RECK: variants seen among roughly 807,000 people sequenced by gnomAD.
RECK encodes the protein reversion-inducing cysteine-rich protein with Kazal motifs.
Under a neutral mutation model 115.1 loss-of-function variants are expected in RECK, and 69 were observed. The ratio of observed to expected loss-of-function variants is 0.60; its 90% CI spans 0.49 to 0.73. The LOEUF is 0.73. Ranked by LOEUF, RECK falls within the 30% of genes least tolerant of loss-of-function variation. RECK has a pLI of 0.00. For synonymous variants in RECK, 414 were observed against 419.7 expected (o/e 0.99, Z 0.17); for missense variants, 1,047 against 1,203.7 (o/e 0.87, Z 1.93).
rs750338819 is a variant in RECK, at chr9:36,118,955, A to G, written c.2452A>G (p.Ile818Val). Residue 818 changes from isoleucine to valine, a missense_variant, in exon 18 of 21, where the codon ATC becomes GTC. By Grantham distance (29) the Ile-to-Val change is conservative. Transcript: ENST00000377966. ...PSLLAAGCKP[I>V]IPPGACCPLC... ...GCTCTTGGCAGCTGGATGCAAACCC[A>G]TCATCCCACCGGGTAGGCTGGCAGT... is the stretch of plus-strand genomic sequence containing the variant. 4.3e-6 allele frequency: 7 copies of G among 1,612,430 alleles called. No homozygotes were observed. In the East Asian group the frequency reaches 1.1e-4, roughly 26 times the overall value.
chr9:36,089,414 A>C (rs1454501668), intron 9 of RECK, among the ~76,000 whole-genome samples: 1 of 152,202 alleles, frequency 6.6e-6, no homozygotes. Flanking sequence ...TAATTGGAGA[A>C]ATTTATGTAA....
chr9:36,106,103 G>A (rs1282552133), intron 13 of RECK, among the ~76,000 whole-genome samples: 4 of 151,312 alleles, frequency 2.6e-5, no homozygotes, highest in Non-Finnish European at 5.9e-5. Flanking sequence ...CCAGCTACTC[G>A]GGAGGCTGAG....
intron 1 of RECK, among the ~76,000 whole-genome samples, chr9:36,044,699 T>C (rs1030292631): frequency 2.6e-5 from 4 of 151,866 alleles, no homozygotes; most frequent in Non-Finnish European, 4.4e-5. Context: ...TGGCCTAGAG[T>C]TGTTGGAGAA....
intron 4 of RECK, among the ~76,000 whole-genome samples, chr9:36,061,956 G>A (rs1821786757): frequency 6.6e-6 from 1 of 151,874 alleles, no homozygotes; most frequent in African/African-American, 2.4e-5. Context: ...TTCATTTGGG[G>A]AACTATGTTA....
intron 1 of RECK, among the ~76,000 whole-genome samples, chr9:36,042,158 A>T (rs939377970): frequency 6.6e-6 from 1 of 151,862 alleles, no homozygotes; most frequent in South Asian, 2.1e-4. Context: ...TGGTGCACCC[A>T]TCACTACAGT....
At position 36,037,099 on chromosome 9, in the gene RECK, G is replaced by C. The variant is rs1426753963; in HGVS notation, c.100+1G>C. ...GGGGGCCTGGCTCCGGGCAGTGCGG[G>C]TGAGTAACCTCCAGAGCAACGGTTC... On this transcript the variant is annotated splice_donor_variant, in intron 1 of 20. Coordinates refer to ENST00000377966, the MANE Select transcript of RECK (RefSeq NM_021111.3). LOFTEE classifies it high-confidence loss of function. 58 of 1,321,032 alleles carry C rather than the reference G, an allele frequency of 4.4e-5. No homozygotes were observed. The highest frequency in any genetic ancestry group is 5.4e-5 in the Non-Finnish European group (56 of 1,030,392). The allele number at this position is 1,321,032 out of a possible 1,614,324, so 81.8% of individuals were successfully genotyped here. A position where few individuals can be genotyped will look rare whatever the true frequency, so the allele number is the denominator to read the frequency against.
intron 11 of RECK, 148 bp downstream of exon 11, chr9:36,100,691 CT>C (rs1021362998): frequency 3.2e-6 from 2 of 623,518 alleles, no homozygotes; most frequent in Non-Finnish European, 5.6e-6. Flanking sequence ...TTTTCCTCCT[CT>C]AGTTGAAATA....
At chr9:36,113,326 G>A (rs1195377773) in intron 16 of RECK, among the ~76,000 whole-genome samples, 2 of 152,218 alleles carry the variant, frequency 1.3e-5, no homozygotes, top group African/African-American at 4.8e-5. Flanking sequence ...GTAATATGGA[G>A]GGAGGGGGAG....
chr9:36,060,267 C>T, intron 4 of RECK, 112 bp downstream of exon 4: 1 of 1,079,640 alleles, frequency 9.3e-7, no homozygotes, highest in Non-Finnish European at 1.4e-6. Context: ...TTTCTATCCT[C>T]TCCTTCCCTT....
intron 16 of RECK, among the ~76,000 whole-genome samples, chr9:36,113,418 G>A (rs1419382436): frequency 6.6e-6 from 1 of 152,180 alleles, no homozygotes; most frequent in Admixed American, 6.5e-5. Flanking sequence ...ATCCAAGAAA[G>A]TTTCTATGGA....
In RECK at chr9:36,059,905, G is replaced by A. The variant is rs557488178; in HGVS notation, c.235-214G>A. 3.3e-5 allele frequency among the ~76,000 whole-genome samples: 5 copies of A among 152,320 alleles called. No homozygotes were observed. The South Asian group carries it at 6.2e-4, about 19-fold the overall frequency. On this transcript the variant is annotated intron_variant, in intron 3 of 20. Coordinates refer to ENST00000377966, the MANE Select transcript of RECK (RefSeq NM_021111.3). ...AGTATCCTGAGTAACTAGACTCATC[G>A]TTAATGCTCTCAGATGGGAAAAGAA...
In RECK at chr9:36,087,768, A is replaced by G. The variant is rs772036213; in HGVS notation, c.712A>G (p.Thr238Ala). 1 of 1,614,036 alleles carries G rather than the reference A, an allele frequency of 6.2e-7. No homozygotes were observed. Among genetic ancestry groups the G allele is most frequent in the Non-Finnish European group, 8.5e-7 (1 of 1,179,926 alleles). Residue 238 changes from threonine to alanine, a missense_variant, in exon 9 of 21, where the codon ACG (threonine) becomes GCG (alanine). By Grantham distance (58) the Thr-to-Ala change is moderately conservative. Transcript: ENST00000377966. Reference protein sequence around the residue: ...ACKRILMSKKTEMEIVDGLIE... With the variant: ...ACKRILMSKKAEMEIVDGLIE... ...CAAGAGAATCCTGATGTCCAAGAAAACGGAAATGGAGATTGTTGATGGTCT... is the reference window on the plus strand; with the variant it reads ...CAAGAGAATCCTGATGTCCAAGAAAGCGGAAATGGAGATTGTTGATGGTCT...
chr9:36,100,380 A>G lies in RECK; in HGVS notation c.1135A>G (p.Met379Val), dbSNP rs752871173. The G allele has an allele frequency of 1.2e-6, 2 of 1,614,230 alleles. No homozygotes were observed. The highest frequency in any genetic ancestry group is 1.7e-5 in the Admixed American group (1 of 60,034). The part of the protein sequence containing the change: ...SCNAQSDQGA[M>V]NDMKLWEKGS... ...TAATGCACAGTCAGATCAAGGAGCCATGAATGACATGAAGTTGTGGGAGAA... is the reference window on the plus strand; with the variant it reads ...TAATGCACAGTCAGATCAAGGAGCCGTGAATGACATGAAGTTGTGGGAGAA... The change falls in exon 11 of 21, where the codon ATG (methionine) becomes GTG (valine). Residue 379 changes from methionine (M) to valine (V), a missense_variant. Transcript: ENST00000377966.
intron 12 of RECK, 38 bp downstream of exon 12, chr9:36,102,268 A>G (rs776404106): frequency 6.6e-7 from 1 of 1,525,870 alleles, no homozygotes; most frequent in Non-Finnish European, 8.9e-7. Context: ...TAGATTTCAA[A>G]TACTTCTCTC....
intron 3 of RECK, among the ~76,000 whole-genome samples, chr9:36,059,196 C>T (rs910591741): frequency 3.9e-5 from 6 of 152,040 alleles, no homozygotes; most frequent in Non-Finnish European, 8.8e-5. Context: ...GTGGCTGATG[C>T]CTGTAATCCC....
intron 1 of RECK, among the ~76,000 whole-genome samples, chr9:36,048,297 C>T (rs80199370): frequency 0.025 from 3,867 of 151,798 alleles, 171 homozygotes; most frequent in African/African-American, 0.087. Flanking sequence ...CAGTCTTCTG[C>T]GCTCTACAAC....
intron 1 of RECK, among the ~76,000 whole-genome samples, chr9:36,043,621 G>A (rs1588262415): frequency 6.6e-6 from 1 of 152,028 alleles, no homozygotes; most frequent in Non-Finnish European, 1.5e-5. Flanking sequence ...GGGTTTTTCC[G>A]ATGTTATCTT....
intron 6 of RECK, among the ~76,000 whole-genome samples, chr9:36,066,191 G>A (rs985018303): frequency 6.6e-6 from 1 of 152,034 alleles, no homozygotes; most frequent in African/African-American, 2.4e-5. Context: ...TTAAGGCAGG[G>A]GTATAGCGGA....
At chr9:36,119,105 C>T (rs1824370336) in intron 18 of RECK, 138 bp downstream of exon 18, 1 of 850,702 alleles carries the variant, frequency 1.2e-6, no homozygotes, top group South Asian at 1.8e-5. Flanking sequence ...TGATCATACT[C>T]ACTACTTTGG....
Sources: gnomAD v4.1 joint callset for allele counts (sites outside exome capture counted in the v4.1 genomes callset) on GRCh38, gnomAD v4.1.1 for gene constraint, MANE v1.5 for transcripts, NCBI Gene and HGNC (gene_info 2026-07-23, HGNC 2026-07-21) for gene names.